SLC8A1: variants seen among roughly 807,000 people sequenced by gnomAD.
SLC8A1 encodes the protein sodium/calcium exchanger 1.
SLC8A1 carries 18 observed loss-of-function variants against 68.3 expected under a neutral mutation model. The observed-to-expected ratio is 0.26, with a 90% CI of 0.18 to 0.39. The LOEUF (loss-of-function observed/expected upper bound fraction) is 0.39, where lower values mean the gene tolerates loss of function less well. SLC8A1 is among the 10% of genes least tolerant of loss of function. The pLI is 1.00. For missense variants in SLC8A1, 985 were observed against 1,156.7 expected, an observed-to-expected ratio of 0.85 and a Z score of 2.15; for synonymous variants, 475 against 415.5, an observed-to-expected ratio of 1.14 and a Z score of -1.74.
At chr2:40,174,446 C>T (rs1233283035) in intron 4 of SLC8A1, among the ~76,000 whole-genome samples, 2 of 152,086 alleles carry the variant, frequency 1.3e-5, no homozygotes, top group Middle Eastern at 3.2e-3. Context: ...TATCAGGGAA[C>T]TGTACATCAT....
chr2:40,398,422 T>C (rs142948862), intron 2 of SLC8A1, among the ~76,000 whole-genome samples: 135 of 152,328 alleles, frequency 8.9e-4, no homozygotes, highest in African/African-American at 3.1e-3. Flanking sequence ...CTACTGTATG[T>C]AGTTAAATTT....
intron 2 of SLC8A1, among the ~76,000 whole-genome samples, chr2:40,422,157 C>T (rs766475180): frequency 1.9e-4 from 29 of 152,218 alleles, no homozygotes; most frequent in Non-Finnish European, 4.4e-5. Flanking sequence ...TATCTTCTCA[C>T]CCTTTCCTGC....
chr2:40,104,666 T>C (rs953602541), exon 8 of SLC8A1: 2 of 152,162 alleles, frequency 1.3e-5, no homozygotes, highest in African/African-American at 4.8e-5. Context: ...TAAATTACTC[T>C]GTTTTGAATT....
chr2:40,145,160 C>T (rs1419655477), intron 6 of SLC8A1, among the ~76,000 whole-genome samples: 1 of 150,740 alleles, frequency 6.6e-6, no homozygotes, highest in African/African-American at 2.5e-5. Flanking sequence ...ATATATTTTC[C>T]ACATATAAGT....
intron 2 of SLC8A1, among the ~76,000 whole-genome samples, chr2:40,343,264 G>C (rs1047991443): frequency 6.6e-6 from 1 of 152,032 alleles, no homozygotes; most frequent in Middle Eastern, 3.4e-3. Flanking sequence ...TTTGGCCATA[G>C]GATAACTCAC....
intron 2 of SLC8A1, among the ~76,000 whole-genome samples, chr2:40,189,598 G>A (rs1473359912): frequency 2.0e-5 from 3 of 152,168 alleles, no homozygotes; most frequent in Non-Finnish European, 2.9e-5. Flanking sequence ...ACAGGCATGA[G>A]CCCCTGTGCC....
chr2:40,136,878 A>G (rs974633603), intron 7 of SLC8A1, among the ~76,000 whole-genome samples: 4 of 152,186 alleles, frequency 2.6e-5, no homozygotes, highest in African/African-American at 7.2e-5. Flanking sequence ...CTCTGAATAT[A>G]TTGTTTGGGG....
rs147882047 is a variant in SLC8A1, at chr2:40,302,276, C to A, written c.1809-124421G>T. Among the ~76,000 whole-genome samples, 572 of 152,042 alleles carry A rather than the reference C, an allele frequency of 3.8e-3. 4 individuals are homozygous for A. Among genetic ancestry groups the A allele is most frequent in the African/African-American group, 0.013 (549 of 41,482 alleles). ...TAAAATCCATTGTATCATTTTTATG[C>A]CTTTGCATCCTCATAGCTTAGCTCC... On this transcript the variant is annotated intron_variant, in intron 2 of 7. Coordinates refer to ENST00000406785, the Ensembl canonical transcript of SLC8A1.
At chr2:40,302,015 A>G (rs1287586741) in intron 2 of SLC8A1, among the ~76,000 whole-genome samples, 1 of 142,238 alleles carries the variant, frequency 7.0e-6, no homozygotes, top group Non-Finnish European at 1.5e-5. Context: ...GGCACCTGCC[A>G]CCACACCGGG....
At chr2:40,345,946 G>T (rs963101547) in intron 2 of SLC8A1, among the ~76,000 whole-genome samples, 1 of 150,316 alleles carries the variant, frequency 6.7e-6, no homozygotes, top group Non-Finnish European at 1.5e-5. Context: ...AACCACCATG[G>T]CACATGTATA....
At chr2:40,121,353 T>C (rs2036754591) in intron 7 of SLC8A1, among the ~76,000 whole-genome samples, 1 of 152,168 alleles carries the variant, frequency 6.6e-6, no homozygotes, top group Non-Finnish European at 1.5e-5. Flanking sequence ...GAGTAATAGA[T>C]GTTTGAGTTT....
chr2:40,204,463 T>G (rs1432907215), intron 2 of SLC8A1, among the ~76,000 whole-genome samples: 1 of 152,046 alleles, frequency 6.6e-6, no homozygotes, highest in African/African-American at 2.4e-5. Flanking sequence ...TACACATTTC[T>G]GCCCTTAGCT....
At chr2:40,162,963 T>TAA (rs949525033) in intron 5 of SLC8A1, among the ~76,000 whole-genome samples, 3 of 152,128 alleles carry the variant, frequency 2.0e-5, no homozygotes, top group African/African-American at 7.2e-5. Context: ...TATGTTCTAG[T>TAA]AAAAGAGATT....
At chr2:40,337,828 T>C (rs1666468284) in intron 2 of SLC8A1, among the ~76,000 whole-genome samples, 2 of 152,224 alleles carry the variant, frequency 1.3e-5, no homozygotes, top group African/African-American at 2.4e-5. Flanking sequence ...GGATAAACAT[T>C]ACATTCCTTG....
At chr2:40,417,185 G>C (rs143447879) in intron 2 of SLC8A1, among the ~76,000 whole-genome samples, 1,904 of 152,104 alleles carry the variant, frequency 0.013, 38 homozygotes, top group African/African-American at 0.043. Flanking sequence ...TTTTCTTTTA[G>C]GTTTGGGGTA....
chr2:40,296,694 T>C (rs2070451807), intron 2 of SLC8A1, among the ~76,000 whole-genome samples: 1 of 152,224 alleles, frequency 6.6e-6, no homozygotes, highest in Non-Finnish European at 1.5e-5. Flanking sequence ...ATGCTATATT[T>C]TATGTTTACT....
At chr2:40,489,214 G>A (rs183941622) in intron 1 of SLC8A1, among the ~76,000 whole-genome samples, 1 of 151,998 alleles carries the variant, frequency 6.6e-6, no homozygotes, top group Non-Finnish European at 1.5e-5. Flanking sequence ...ATTTATAAGA[G>A]AAACATAATT....
chr2:40,474,849 T>C (rs375857071), intron 1 of SLC8A1, among the ~76,000 whole-genome samples: 4 of 152,332 alleles, frequency 2.6e-5, no homozygotes, highest in African/African-American at 9.6e-5. Context: ...TGTAAGGCTT[T>C]ATTTAACTGT....
At chr2:40,511,951 C>G (rs1706756471) in intron 1 of SLC8A1, among the ~76,000 whole-genome samples, 1 of 152,112 alleles carries the variant, frequency 6.6e-6, no homozygotes, top group Non-Finnish European at 1.5e-5. Context: ...GGCTTGAGAA[C>G]AAGCAAGGAA....
Sources: allele counts gnomAD v4.1 joint callset (sites outside exome capture counted in the v4.1 genomes callset), GRCh38; gene constraint gnomAD v4.1.1; transcripts MANE v1.5; gene names NCBI Gene and HGNC (gene_info 2026-07-23, HGNC 2026-07-21).